Variants in NTRK1 observed in about 807,000 individuals in gnomAD.
The protein encoded by NTRK1 is high affinity nerve growth factor receptor.
In NTRK1, 62 loss-of-function variants were observed where a neutral mutation model predicts 86.8. The observed-to-expected ratio is 0.71, with a 90% CI of 0.58 to 0.88. NTRK1 has a LOEUF of 0.88. Among genes scored for constraint, NTRK1 ranks in the 40% least tolerant of loss-of-function variants. NTRK1 has a pLI of 0.00. For missense variants in NTRK1, 967 were observed against 1,078.4 expected (o/e 0.90, Z 1.45); for synonymous variants, 469 against 456.6 (o/e 1.03, Z -0.35).
intron 1 of NTRK1, among the ~76,000 whole-genome samples, chr1:156,834,025 C>G (rs1481556939): frequency 6.6e-6 from 1 of 152,186 alleles, no homozygotes; most frequent in Non-Finnish European, 1.5e-5. Flanking sequence ...GCTTCTCAAC[C>G]CTTTCACACC....
chr1:156,857,161 G>A (rs1490687657), upstream of NTRK1, among the ~76,000 whole-genome samples: 5 of 114,802 alleles, frequency 4.4e-5, no homozygotes, highest in Non-Finnish European at 7.2e-5. Flanking sequence ...CAGCAGCTGT[G>A]TATGTGTGTG....
chr1:156,819,254 T>C (rs1247071120), intron 1 of NTRK1, among the ~76,000 whole-genome samples: 1 of 151,936 alleles, frequency 6.6e-6, no homozygotes, highest in Non-Finnish European at 1.5e-5. Flanking sequence ...GTGATCCCCC[T>C]GCCTCAGGCT....
At chr1:156,830,773 T>G (rs1405946711) in intron 1 of NTRK1, among the ~76,000 whole-genome samples, 1 of 152,176 alleles carries the variant, frequency 6.6e-6, no homozygotes, top group Non-Finnish European at 1.5e-5. Context: ...CAGGCTGGTC[T>G]CGAACTCCTG....
chr1:156,843,581 T>G, intron 2 of NTRK1: 6 of 1,212,976 alleles, frequency 4.9e-6, no homozygotes, highest in Non-Finnish European at 7.4e-6. Context: ...GGGAAGTTAC[T>G]GACCACACCC....
intron 1 of NTRK1, chr1:156,816,585 C>T (rs554077526): frequency 1.4e-6 from 2 of 1,425,876 alleles, no homozygotes; most frequent in African/African-American, 1.4e-5. Flanking sequence ...CCCCTCATCC[C>T]TGAAGTGGGA....
chr1:156,826,220 C>T (rs1480808408), intron 1 of NTRK1, among the ~76,000 whole-genome samples: 1 of 150,428 alleles, frequency 6.6e-6, no homozygotes, highest in African/African-American at 2.4e-5. Context: ...TGAGAAGACC[C>T]TTTTCAAACT....
chr1:156,856,612 C>T (rs143077604), upstream of NTRK1, among the ~76,000 whole-genome samples: 159 of 152,264 alleles, frequency 1.0e-3, no homozygotes, highest in African/African-American at 3.4e-3. Flanking sequence ...CTTAGTCCAG[C>T]GCCCACATCA....
At chr1:156,815,870 C>T (rs374331077) in intron 1 of NTRK1, 57 of 1,613,898 alleles carry the variant, frequency 3.5e-5, no homozygotes, top group Non-Finnish European at 4.6e-5. Context: ...TCTCTCTGTG[C>T]CCCAGCCCGT....
At chr1:156,865,040 C>G (rs963893867) in intron 3 of NTRK1, 4 of 582,730 alleles carry the variant, frequency 6.9e-6, no homozygotes, top group Non-Finnish European at 9.4e-6. Flanking sequence ...AAGGACACTT[C>G]TCATAGGTGC....
exon 2 of NTRK1, chr1:156,842,165 T>C (rs1654819440): frequency 6.2e-7 from 1 of 1,614,068 alleles, no homozygotes. Flanking sequence ...GGCTGCTAGA[T>C]CTCGGTGCAC....
chr1:156,844,521 G>T, intron 2 of NTRK1: 3 of 1,614,176 alleles, frequency 1.9e-6, no homozygotes, highest in Non-Finnish European at 2.5e-6. Flanking sequence ...AGCCAGTGAG[G>T]TTGCCCTAAC....
intron 14 of NTRK1, among the ~76,000 whole-genome samples, chr1:156,877,247 A>G (rs2102921318): frequency 6.6e-6 from 1 of 152,350 alleles, no homozygotes; most frequent in Non-Finnish European, 1.5e-5. Context: ...ATAGTAATAT[A>G]AATATGTATT....
chr1:156,854,142 G>A lies in NTRK1; in HGVS notation c.51-10212G>A. 6.2e-7 allele frequency: 1 copy of A among 1,614,166 alleles called. No individual in the cohort carries two copies. The highest frequency in any genetic ancestry group is 8.5e-7 in the Non-Finnish European group (1 of 1,180,036). ...AGTCCGTAGACACGGAAGAGCAGCA[G>A]GTAGTCGGTGACCTGGGTGAGGCGA... On this transcript the variant is annotated intron_variant, in intron 2 of 16. Coordinates refer to the NTRK1 transcript ENST00000392302. The surrounding 1 kb of genome is among the most constrained non-coding windows in gnomAD (Gnocchi z 4.2).
chr1:156,851,967 C>G (rs143605369), intron 2 of NTRK1: 3 of 1,608,642 alleles, frequency 1.9e-6, no homozygotes, highest in Non-Finnish European at 2.6e-6. Context: ...GAGGCACGGC[C>G]GGGCACAGAG....
intron 1 of NTRK1, chr1:156,841,480 G>C (rs756041845): frequency 5.6e-6 from 9 of 1,613,930 alleles, no homozygotes. Context: ...GGCCCTGGTA[G>C]GGTTGTTCTG....
At chr1:156,842,209 T>A in intron 2 of NTRK1, 1 of 1,614,068 alleles carries the variant, frequency 6.2e-7, no homozygotes, top group Non-Finnish European at 8.5e-7. Flanking sequence ...CCATGCCGTC[T>A]GCAATCTCAC....
chr1:156,880,446 T>G, intron 16 of NTRK1: 1 of 488,516 alleles, frequency 2.0e-6, no homozygotes, highest in Admixed American at 3.4e-5. Flanking sequence ...CTGCATTTTA[T>G]AGACCTAAGC....
chr1:156,846,000 G>A (rs1211293853), intron 2 of NTRK1: 9 of 1,614,026 alleles, frequency 5.6e-6, no homozygotes, highest in Non-Finnish European at 6.8e-6. Flanking sequence ...TCTGCCAGCC[G>A]CTGCCACAGC....
Position 156,871,667 on chromosome 1 carries a change from C to T in NTRK1, c.762C>T (p.Val254=), listed in dbSNP as rs545575642. The part of the protein sequence containing the change: ...LPSLGLTLAN[V]TSDLNRKNVT... ...CCCTGGGGCTGACCCTGGCCAATGT[C>T]ACCAGTGACCTCAACAGGAAGAACG... Residue 254 remains valine (V), a synonymous_variant, in exon 7 of 17, where the codon GTC becomes GTT. Coordinates refer to ENST00000524377, the MANE Select transcript of NTRK1 (RefSeq NM_002529.4). 3 of 1,614,180 alleles carry T rather than the reference C, an allele frequency of 1.9e-6. No individual in the cohort carries two copies. The highest frequency in any genetic ancestry group is 2.7e-5 in the African/African-American group (2 of 75,030).
Sources: gnomAD v4.1 joint callset for allele counts (sites outside exome capture counted in the v4.1 genomes callset) on GRCh38, gnomAD v4.1.1 for gene constraint, Gnocchi (gnomAD v3.1) non-coding constraint, MANE v1.5 for transcripts, NCBI Gene and HGNC (gene_info 2026-07-23, HGNC 2026-07-21) for gene names.